The following ST18 variants were observed in gnomAD, a reference collection of about 807,000 sequenced individuals.
The protein encoded by ST18 is ST18 C2H2C-type zinc finger transcription factor, also known as suppression of tumorigenicity 18 protein.
ST18 carries 50 observed loss-of-function variants against 110.0 expected under a neutral mutation model. That is an observed-to-expected ratio of 0.45 (90% CI 0.36 to 0.58). The LOEUF is 0.58. Among genes scored for constraint, ST18 ranks in the 20% least tolerant of loss-of-function variants. The pLI, the probability that ST18 is intolerant of heterozygous loss-of-function variation, is 0.00. For synonymous variants in ST18, 461 were observed against 452.4 expected (o/e 1.02, Z -0.24); for missense variants, 1,306 against 1,280.1 (o/e 1.02, Z -0.31).
chr8:52,224,183 A>G (rs530873098), intron 3 of ST18, among the ~76,000 whole-genome samples: 26 of 152,206 alleles, frequency 1.7e-4, no homozygotes, highest in Non-Finnish European at 3.4e-4. Context: ...TTATTTTTAT[A>G]TTAGTCAGTA....
At chr8:52,247,893 A>G (rs1327362632) in intron 2 of ST18, among the ~76,000 whole-genome samples, 1 of 152,182 alleles carries the variant, frequency 6.6e-6, no homozygotes, top group Non-Finnish European at 1.5e-5. Context: ...ACACTATTAT[A>G]CCACTTTCTT....
chr8:52,231,962 T>C (rs1331130403), intron 2 of ST18, among the ~76,000 whole-genome samples: 2 of 152,220 alleles, frequency 1.3e-5, no homozygotes, highest in East Asian at 1.9e-4. Context: ...CGTAGATCTA[T>C]GGTGGGACCC....
At chr8:52,290,909 TC>T (rs2095546005) in intron 2 of ST18, among the ~76,000 whole-genome samples, 1 of 152,136 alleles carries the variant, frequency 6.6e-6, no homozygotes, top group South Asian at 2.1e-4. Flanking sequence ...TACCAATCGT[TC>T]CCCCGGTGAA....
At chr8:52,394,976 G>A (rs1840603623) in intron 2 of ST18, among the ~76,000 whole-genome samples, 1 of 152,202 alleles carries the variant, frequency 6.6e-6, no homozygotes, top group Admixed American at 6.5e-5. Flanking sequence ...AAGTGGATAC[G>A]CACCAAGAAG....
rs141420308 is a variant in ST18, at chr8:52,266,067, G to A, written c.-464-35990C>T. Among the ~76,000 whole-genome samples, 4 of 152,294 alleles carry A rather than the reference G, an allele frequency of 2.6e-5. No individual in the cohort carries two copies. The East Asian group carries it at 7.7e-4, about 29-fold the overall frequency. On this transcript the variant is annotated intron_variant, in intron 2 of 25. Transcript: ENST00000689386. ...ACTGGCAAGGAGTCAAATTAGTTGA[G>A]GATAGAAAAGATTATTGAATCGGCA...
Position 52,133,301 on chromosome 8 carries a change from C to A in ST18, c.2301G>T (p.Lys767Asn). The A allele has an allele frequency of 6.2e-7, 1 of 1,614,074 alleles. No homozygotes were observed. The highest frequency in any genetic ancestry group is 8.5e-7 in the Non-Finnish European group (1 of 1,180,018). Residue 767 changes from lysine (K) to asparagine (N), a missense_variant and splice_region_variant, in exon 20 of 26, where the codon AAG becomes AAT. Transcript: ENST00000689386. Reference protein sequence around the residue: ...SLMAANSQELKCPTPGCDGSG... With the variant: ...SLMAANSQELNCPTPGCDGSG... ...AGCCATCGCAGCCTGGGGTTGGACA[C>A]CTGGAAGGCACAGGAAGAGAGCATG...
rs2086358477 is a variant in ST18, at chr8:52,220,849, C to A, written c.-264-1G>T. 6.6e-6 allele frequency: 1 copy of A among 152,050 alleles called. No homozygotes were observed. The highest frequency in any genetic ancestry group is 2.1e-4 in the South Asian group (1 of 4,830). 9.4% of individuals were successfully genotyped at this position (152,050 alleles called of 1,614,324 possible). On this transcript the variant is annotated splice_acceptor_variant, in intron 4 of 25. Transcript: ENST00000689386. LOFTEE classifies it low-confidence loss of function (5UTR_SPLICE). Reference sequence around the variant, plus strand: ...TTAGTGATAAATCCTGAAATTCATTCTATTGAGATAAGAAATCAAACAAGA... The same window carrying A: ...TTAGTGATAAATCCTGAAATTCATTATATTGAGATAAGAAATCAAACAAGA...
At position 52,126,156 on chromosome 8, in the gene ST18, T is replaced by C; in HGVS notation, c.2667-16A>G. On this transcript the variant is annotated splice_polypyrimidine_tract_variant and intron_variant, in intron 22 of 25. Transcript: ENST00000689386. ...TCCAGATAAGCTGTGAAAATAGAAA[T>C]TGTACTAATGTATGAAATGTATATG... is the stretch of plus-strand genomic sequence containing the variant. 6.2e-7 allele frequency: 1 copy of C among 1,604,664 alleles called. No homozygotes were observed. Among genetic ancestry groups the C allele is most frequent in the Non-Finnish European group, 8.5e-7 (1 of 1,171,634 alleles).
At chr8:52,133,029 A>AC (rs769396714) in intron 21 of ST18, 28 bp downstream of exon 21, 39 of 1,611,514 alleles carry the variant, frequency 2.4e-5, no homozygotes, top group Admixed American at 3.3e-5. Context: ...GAGACAGCTG[A>AC]CCCCCATGTC....
At chr8:52,275,822 A>T (rs1436694324) in intron 2 of ST18, among the ~76,000 whole-genome samples, 1 of 152,048 alleles carries the variant, frequency 6.6e-6, no homozygotes, top group Non-Finnish European at 1.5e-5. Context: ...CATAAGGGAC[A>T]CAAGAGAAAA....
At chr8:52,252,532 T>A (rs2094361147) in intron 2 of ST18, among the ~76,000 whole-genome samples, 1 of 151,792 alleles carries the variant, frequency 6.6e-6, no homozygotes, top group Admixed American at 6.6e-5. Flanking sequence ...TTAAACATAA[T>A]CACATTAGGA....
chr8:52,124,340 A>AT (rs1586337688), intron 23 of ST18, among the ~76,000 whole-genome samples: 1 of 151,774 alleles, frequency 6.6e-6, no homozygotes, highest in Non-Finnish European at 1.5e-5. Context: ...ACACTGGCTA[A>AT]TTTTTTTGTA....
chr8:52,313,188 CTT>C (rs923946557), intron 2 of ST18: 1 of 152,758 alleles, frequency 6.5e-6, no homozygotes, highest in African/African-American at 2.4e-5. Context: ...ACCTTGAACT[CTT>C]TCATGATTTT....
intron 2 of ST18, among the ~76,000 whole-genome samples, chr8:52,333,300 TA>T (rs35596796): frequency 0.059 from 8,354 of 142,272 alleles, 340 homozygotes; most frequent in African/African-American, 0.11. Flanking sequence ...CATTTTCTAT[TA>T]AAAAAAAAAA....
chr8:52,169,106 C>T (rs1030312603), intron 10 of ST18, among the ~76,000 whole-genome samples: 4 of 152,118 alleles, frequency 2.6e-5, no homozygotes, highest in Non-Finnish European at 5.9e-5. Context: ...GTGCAGCCCA[C>T]TGACAGTCCA....
intron 14 of ST18, 131 bp downstream of exon 14, chr8:52,161,244 A>G: frequency 1.2e-6 from 1 of 847,252 alleles, no homozygotes; most frequent in Non-Finnish European, 1.8e-6. Context: ...TTTCACTTGA[A>G]TATATTTTCT....
chr8:52,365,984 G>A (rs946951450), intron 2 of ST18, among the ~76,000 whole-genome samples: 3 of 151,940 alleles, frequency 2.0e-5, no homozygotes, highest in African/African-American at 7.3e-5. Context: ...AGTTTTGAGT[G>A]TATCTCATGG....
rs61094457 is a variant in ST18 at position 52,290,732 on chromosome 8, GC to G, written c.-464-60656del. Among the ~76,000 whole-genome samples the G allele has an allele frequency of 8.7e-3, 1,324 of 152,226 alleles. 18 individuals carry two copies. The highest frequency in any genetic ancestry group is 0.029 in the African/African-American group (1,210 of 41,546). ...TGCTCAGGGAAGCCTTTCTTCACCA[GC>G]CCTGCCTGCCACTCTCCCATCCTCT... On this transcript the variant is annotated intron_variant, in intron 2 of 25. Coordinates refer to ENST00000689386, the MANE Select transcript of ST18 (RefSeq NM_001352837.2).
chr8:52,312,122 C>T (rs939136496), intron 2 of ST18, among the ~76,000 whole-genome samples: 33 of 152,272 alleles, frequency 2.2e-4, no homozygotes, highest in Admixed American at 4.6e-4. Flanking sequence ...TATTTGATAA[C>T]TTACACAAAT....
Sources: allele counts gnomAD v4.1 joint callset (sites outside exome capture counted in the v4.1 genomes callset), GRCh38; gene constraint gnomAD v4.1.1; transcripts MANE v1.5; gene names NCBI Gene and HGNC (gene_info 2026-07-23, HGNC 2026-07-21).